Variants in PRELID2 observed in about 807,000 individuals in gnomAD.
The protein encoded by PRELID2 is PRELI domain containing 2.
PRELID2 carries 25 observed loss-of-function variants against 28.4 expected under a neutral mutation model. The ratio of observed to expected loss-of-function variants is 0.88; its 90% CI spans 0.64 to 1.23. The LOEUF is 1.23. PRELID2 is among the 50% of genes most tolerant of loss of function. The pLI, the probability that PRELID2 is intolerant of heterozygous loss-of-function variation, is 0.00. For missense variants in PRELID2, 201 were observed against 214.4 expected (o/e 0.94, Z 0.39); for synonymous variants, 76 against 71.6 (o/e 1.06, Z -0.31).
chr5:145,471,379 T>C (rs1228678297), downstream of PRELID2, among the ~76,000 whole-genome samples: 1 of 152,104 alleles, frequency 6.6e-6, no homozygotes. Context: ...CAAAACCAGA[T>C]ATTTCTTATA....
chr5:145,821,061 C>A (rs747357902), intron 2 of PRELID2, among the ~76,000 whole-genome samples: 27 of 151,874 alleles, frequency 1.8e-4, no homozygotes, highest in Non-Finnish European at 3.5e-4. Context: ...AGAAGCGTGC[C>A]TTTGCCTGGT....
At chr5:145,710,010 T>G (rs1287367937) in intron 1 of PRELID2, among the ~76,000 whole-genome samples, 2 of 152,190 alleles carry the variant, frequency 1.3e-5, no homozygotes, top group Non-Finnish European at 2.9e-5. Flanking sequence ...TAAATTGCTT[T>G]TTTGGGGAAA....
At chr5:145,533,851 A>T (rs1227267824) in intron 1 of PRELID2, among the ~76,000 whole-genome samples, 1 of 152,080 alleles carries the variant, frequency 6.6e-6, no homozygotes. Context: ...CAAAGCAAGA[A>T]TTCAGGTGAC....
chr5:145,643,037 T>G (rs1221746229), intron 1 of PRELID2, among the ~76,000 whole-genome samples: 1 of 152,228 alleles, frequency 6.6e-6, no homozygotes, highest in Non-Finnish European at 1.5e-5. Flanking sequence ...AAGTAGTTTT[T>G]TCCAATTCTA....
chr5:145,339,683 G>C, the PRELID2 span, among the ~76,000 whole-genome samples: 1 of 152,152 alleles, frequency 6.6e-6, no homozygotes, highest in Admixed American at 6.5e-5. Context: ...TCCCACTGCT[G>C]CCAGTGTAGG....
chr5:145,644,088 A>T (rs6861872), intron 1 of PRELID2, among the ~76,000 whole-genome samples: 3 of 151,972 alleles, frequency 2.0e-5, no homozygotes, highest in Non-Finnish European at 4.4e-5. Context: ...AGAAGGAATG[A>T]TACCAGCTCC....
the PRELID2 span, among the ~76,000 whole-genome samples, chr5:145,262,174 C>T: frequency 0.073 from 11,021 of 151,852 alleles, 500 homozygotes; most frequent in South Asian, 0.13. Flanking sequence ...AGAAAATGAA[C>T]AAAGCCTCTA....
At chr5:145,632,371 T>G (rs1753945175) in intron 1 of PRELID2, among the ~76,000 whole-genome samples, 1 of 152,184 alleles carries the variant, frequency 6.6e-6, no homozygotes. Context: ...ATAAATCACT[T>G]AACGATCTAA....
chr5:145,653,559 A>G (rs138393317), intron 1 of PRELID2, among the ~76,000 whole-genome samples: 2,245 of 152,350 alleles, frequency 0.015, 112 homozygotes, highest in Admixed American at 0.097. Flanking sequence ...CTCTCAGACC[A>G]CAGTGCAATC....
At chr5:145,404,847 A>G in the PRELID2 span, among the ~76,000 whole-genome samples, 3 of 152,154 alleles carry the variant, frequency 2.0e-5, no homozygotes, top group Non-Finnish European at 2.9e-5. Flanking sequence ...AGAGGAAGAA[A>G]GATATCTGCA....
chr5:145,724,634 T>A (rs1317220916), intron 1 of PRELID2, among the ~76,000 whole-genome samples: 2 of 98,848 alleles, frequency 2.0e-5, no homozygotes, highest in African/African-American at 4.0e-5. Context: ...TATATATATA[T>A]ATATATATAT....
rs192248926 is a variant in PRELID2 at position 145,578,126 on chromosome 5, A to G, written n.71-104811T>C. 4.3e-3 allele frequency among the ~76,000 whole-genome samples: 660 copies of G among 152,242 alleles called. 21 individuals are homozygous for G. Among genetic ancestry groups the G allele is most frequent in the Admixed American group, 0.041 (628 of 15,266 alleles). ...GCTGATATCTGGACAATTTGACCTT[A>G]CTACCACTAGAAACTTCATCCAAGG... On this transcript the variant is annotated intron_variant and non_coding_transcript_variant, in intron 1 of 2. Coordinates refer to the PRELID2 transcript ENST00000510259.
intron 1 of PRELID2, among the ~76,000 whole-genome samples, chr5:145,618,728 C>A (rs1002081820): frequency 6.6e-6 from 1 of 152,140 alleles, no homozygotes; most frequent in Non-Finnish European, 1.5e-5. Context: ...CAACAGTGGG[C>A]AGGGCCCTAG....
chr5:145,475,525 T>C (rs1752092391), intron 1 of PRELID2, among the ~76,000 whole-genome samples: 1 of 152,174 alleles, frequency 6.6e-6, no homozygotes, highest in African/African-American at 2.4e-5. Flanking sequence ...TCTTACTACA[T>C]GAATGCATTG....
At chr5:145,465,010 C>T in the PRELID2 span, among the ~76,000 whole-genome samples, 6 of 152,080 alleles carry the variant, frequency 3.9e-5, no homozygotes, top group East Asian at 1.9e-4. Context: ...TTGATCAGAA[C>T]GGGTTAGAAT....
the PRELID2 span, among the ~76,000 whole-genome samples, chr5:145,416,297 C>T: frequency 1.3e-5 from 2 of 151,910 alleles, no homozygotes; most frequent in South Asian, 4.2e-4. Context: ...AACGTTAGAC[C>T]TAAAACCATA....
chr5:145,500,376 G>A (rs939403266), intron 1 of PRELID2, among the ~76,000 whole-genome samples: 3 of 151,986 alleles, frequency 2.0e-5, no homozygotes, highest in African/African-American at 7.3e-5. Flanking sequence ...TAAGTTTCCT[G>A]AGGCCTCCCC....
At chr5:145,591,600 G>T (rs1481368838) in intron 1 of PRELID2, among the ~76,000 whole-genome samples, 2 of 152,066 alleles carry the variant, frequency 1.3e-5, no homozygotes, top group Non-Finnish European at 2.9e-5. Context: ...TGACAAAAAT[G>T]TTCAGGCTTC....
Position 145,817,960 on chromosome 5 carries a change from G to T in PRELID2, c.302C>A (p.Thr101Lys). 6.2e-7 allele frequency: 1 copy of T among 1,605,638 alleles called. No homozygotes were observed. The highest frequency in any genetic ancestry group is 8.5e-7 in the Non-Finnish European group (1 of 1,176,978). Residue 101 changes from threonine to lysine, a missense_variant, in exon 4 of 7, where the codon ACG (threonine) becomes AAG (lysine). Transcript: ENST00000683046. Reference sequence around the variant, plus strand: ...CTTCATGGATGCATACTGTGTCCACGTAAGGCAGTGACTCCGTATGGCCAT... The same window carrying T: ...CTTCATGGATGCATACTGTGTCCACTTAAGGCAGTGACTCCGTATGGCCAT... ...RNMAIRSHCLTWTQYASMKEE... is the reference protein window; with the variant it reads ...RNMAIRSHCLKWTQYASMKEE...
Sources: gnomAD v4.1 joint callset for allele counts (sites outside exome capture counted in the v4.1 genomes callset) on GRCh38, gnomAD v4.1.1 for gene constraint, MANE v1.5 for transcripts, NCBI Gene and HGNC (gene_info 2026-07-23, HGNC 2026-07-21) for gene names.